Variants in CDH18 observed in about 807,000 individuals in gnomAD.
CDH18 encodes the protein cadherin 18, also known as cadherin-18.
A neutral mutation model predicts 67.9 loss-of-function variants in CDH18; 31 were observed. The ratio of observed to expected loss-of-function variants is 0.46; its 90% CI spans 0.34 to 0.62. The LOEUF is 0.62. CDH18 is among the 20% of genes least tolerant of loss of function. The probability of loss-of-function intolerance (pLI) is 0.01; values close to 1 mark genes in which losing one functional copy is unlikely to be tolerated. For synonymous variants in CDH18, 362 were observed against 347.2 expected (o/e 1.04, Z -0.48); for missense variants, 890 against 975.5 (o/e 0.91, Z 1.17).
intron 1 of CDH18, among the ~76,000 whole-genome samples, chr5:20,440,038 T>A (rs1379189472): frequency 6.6e-6 from 1 of 151,822 alleles, no homozygotes; most frequent in Non-Finnish European, 1.5e-5. Context: ...TAAAATATAT[T>A]AGTAAATTAA....
intron 3 of CDH18, among the ~76,000 whole-genome samples, chr5:19,837,648 G>T (rs1581580296): frequency 6.6e-6 from 1 of 152,054 alleles, no homozygotes; most frequent in East Asian, 1.9e-4. Flanking sequence ...CTCCTGCCTT[G>T]TATAGAAAAT....
At chr5:19,775,913 G>C (rs1374323300) in intron 3 of CDH18, among the ~76,000 whole-genome samples, 3 of 152,112 alleles carry the variant, frequency 2.0e-5, no homozygotes, top group Non-Finnish European at 4.4e-5. Flanking sequence ...GCATGGGCAG[G>C]AATATCTGGA....
At chr5:19,876,433 G>A (rs1468724774) in intron 2 of CDH18, among the ~76,000 whole-genome samples, 2 of 151,980 alleles carry the variant, frequency 1.3e-5, no homozygotes, top group Non-Finnish European at 2.9e-5. Context: ...AACAATAACG[G>A]GCCAGAGAGT....
intron 1 of CDH18, among the ~76,000 whole-genome samples, chr5:20,341,059 T>C (rs754751281): frequency 3.2e-4 from 48 of 152,148 alleles, no homozygotes; most frequent in Non-Finnish European, 6.5e-4. Context: ...ACAACCACCA[T>C]ACTGGTTCAA....
At chr5:20,518,929 C>T (rs2126512736) in intron 1 of CDH18, among the ~76,000 whole-genome samples, 1 of 152,198 alleles carries the variant, frequency 6.6e-6, no homozygotes, top group Middle Eastern at 3.4e-3. Flanking sequence ...TACAACATGA[C>T]AGCAAGGTAG....
intron 1 of CDH18, among the ~76,000 whole-genome samples, chr5:20,474,898 T>G (rs1020306530): frequency 6.6e-6 from 1 of 152,348 alleles, no homozygotes; most frequent in African/African-American, 2.4e-5. Flanking sequence ...GTTTCTTGGC[T>G]TTTTCTTTTC....
intron 2 of CDH18, among the ~76,000 whole-genome samples, chr5:20,037,491 A>T (rs1196765297): frequency 1.3e-5 from 2 of 152,134 alleles, no homozygotes; most frequent in African/African-American, 4.8e-5. Context: ...AAAGAACAGA[A>T]ATCATAACAA....
rs147115931 is a variant in CDH18 at position 19,797,331 on chromosome 5, A to C, written c.228+41428T>G. On this transcript the variant is annotated intron_variant, in intron 3 of 12. Coordinates refer to ENST00000382275, the MANE Select transcript of CDH18 (RefSeq NM_004934.5). The stretch of plus-strand genomic sequence containing the variant: ...CAACTTAGTAACTTCTACTCAGTGC[A>C]ACTATAAGGCAGAAAAAGAAAATAA... 1.2e-4 allele frequency among the ~76,000 whole-genome samples: 19 copies of C among 152,092 alleles called. No individual in the cohort carries two copies. The East Asian group carries it at 3.7e-3, about 29-fold the overall frequency.
At chr5:19,870,470 A>G (rs974115790) in intron 2 of CDH18, among the ~76,000 whole-genome samples, 1 of 152,104 alleles carries the variant, frequency 6.6e-6, no homozygotes, top group African/African-American at 2.4e-5. Context: ...TTTGATGTTT[A>G]GCTATGACTA....
intron 2 of CDH18, among the ~76,000 whole-genome samples, chr5:20,067,173 C>G (rs1017163059): frequency 1.3e-5 from 2 of 151,714 alleles, no homozygotes; most frequent in African/African-American, 4.8e-5. Flanking sequence ...CATTTTATAT[C>G]AGTGACTTGA....
intron 1 of CDH18, among the ~76,000 whole-genome samples, 165 bp from the exon 2 acceptor site, chr5:19,981,343 T>A (rs1419023468): frequency 3.9e-5 from 6 of 152,204 alleles, no homozygotes; most frequent in Admixed American, 2.0e-4. Context: ...TTTCTTAACA[T>A]TATCACCTCC....
chr5:19,947,474 C>T (rs997007805), intron 2 of CDH18, among the ~76,000 whole-genome samples: 3 of 149,762 alleles, frequency 2.0e-5, no homozygotes, highest in Non-Finnish European at 4.4e-5. Context: ...AGAGTGGTGG[C>T]TTACACCTAT....
intron 2 of CDH18, among the ~76,000 whole-genome samples, chr5:19,979,036 G>C (rs1172074602): frequency 6.6e-6 from 1 of 152,068 alleles, no homozygotes; most frequent in Admixed American, 6.6e-5. Context: ...TTGAAGTATT[G>C]TTGTAACTTC....
At chr5:19,761,877 C>T (rs1581234075) in intron 3 of CDH18, among the ~76,000 whole-genome samples, 2 of 152,290 alleles carry the variant, frequency 1.3e-5, no homozygotes. Context: ...CAGCATGGTA[C>T]TGGTACCAAA....
chr5:20,498,252 AG>A (rs571849391), intron 1 of CDH18, among the ~76,000 whole-genome samples: 86 of 152,226 alleles, frequency 5.6e-4, no homozygotes, highest in African/African-American at 2.0e-3. Flanking sequence ...TACCAGCAGT[AG>A]TAATTCTCTC....
At chr5:20,197,545 GA>G (rs1739078653) in intron 2 of CDH18, among the ~76,000 whole-genome samples, 1 of 152,170 alleles carries the variant, frequency 6.6e-6, no homozygotes, top group Admixed American at 6.5e-5. Context: ...ACAGCTGGAA[GA>G]AACAGAAAGT....
rs571526941 is a variant in CDH18 at position 20,210,184 on chromosome 5, G to A, written c.-518+45260C>T. Among the ~76,000 whole-genome samples the A allele has an allele frequency of 1.9e-4, 29 of 151,570 alleles. No individual in the cohort carries two copies. In the South Asian group the frequency reaches 2.9e-3, roughly 15 times the overall value. On this transcript the variant is annotated intron_variant, in intron 2 of 14. Transcript: ENST00000507958. ...AGCCTTTTCCAGAACCTACAAGAAC[G>A]CCATTTAGATTTCTTTCTGACAAGT...
intron 2 of CDH18, among the ~76,000 whole-genome samples, chr5:20,033,302 C>A (rs1437329613): frequency 6.6e-6 from 1 of 151,842 alleles, no homozygotes; most frequent in African/African-American, 2.4e-5. Flanking sequence ...TACTGTGGAC[C>A]ACAAAAATCA....
intron 2 of CDH18, among the ~76,000 whole-genome samples, chr5:20,244,485 A>G (rs1179897815): frequency 6.6e-6 from 1 of 151,870 alleles, no homozygotes; most frequent in African/African-American, 2.4e-5. Context: ...CATCATTGCA[A>G]CAGTAGAAAA....
Sources: gnomAD v4.1 joint callset for allele counts (sites outside exome capture counted in the v4.1 genomes callset) on GRCh38, gnomAD v4.1.1 for gene constraint, MANE v1.5 for transcripts, NCBI Gene and HGNC (gene_info 2026-07-23, HGNC 2026-07-21) for gene names.